The following CATSPER3 variants were observed in gnomAD, a reference collection of about 807,000 sequenced individuals.
CATSPER3 encodes cation channel sperm-associated protein 3.
In CATSPER3, 23 loss-of-function variants were observed where a neutral mutation model predicts 36.6. The ratio of observed to expected loss-of-function variants is 0.63; its 90% CI spans 0.45 to 0.89. The LOEUF is 0.89. Ranked by LOEUF, CATSPER3 falls within the 40% of genes least tolerant of loss-of-function variation. The pLI, the probability that CATSPER3 is intolerant of heterozygous loss-of-function variation, is 0.00. For synonymous variants in CATSPER3, 172 were observed against 184.1 expected (o/e 0.93, Z 0.53); for missense variants, 474 against 503.9 (o/e 0.94, Z 0.57).
intron 2 of CATSPER3, 85 bp from the exon 3 acceptor site, chr5:134,996,188 C>T: frequency 6.3e-7 from 1 of 1,584,530 alleles, no homozygotes; most frequent in East Asian, 2.2e-5. Context: ...AGGAGCACCC[C>T]TTCCGGGGCT....
At chr5:134,971,602 G>A (rs928721937) in intron 2 of CATSPER3, among the ~76,000 whole-genome samples, 2 of 152,216 alleles carry the variant, frequency 1.3e-5, no homozygotes, top group African/African-American at 2.4e-5. Flanking sequence ...ATGGGCTGAT[G>A]TGAGAACAGC....
chr5:134,988,222 AG>A (rs1367240245), intron 2 of CATSPER3, among the ~76,000 whole-genome samples: 1 of 152,256 alleles, frequency 6.6e-6, no homozygotes, highest in African/African-American at 2.4e-5. Flanking sequence ...GCCTTCAGCA[AG>A]ACATAATCTT....
chr5:134,985,388 G>A (rs532261995), intron 2 of CATSPER3, among the ~76,000 whole-genome samples: 2 of 152,218 alleles, frequency 1.3e-5, no homozygotes, highest in Non-Finnish European at 2.9e-5. Context: ...GGTATGCAAA[G>A]GCAAACAGAG....
rs1168859186 is a variant in CATSPER3, at chr5:134,968,109, A to G, written c.98+20A>G. The G allele has an allele frequency of 1.3e-6, 2 of 1,515,410 alleles. No homozygotes were observed. 93.9% of individuals were successfully genotyped at this position (1,515,410 alleles called of 1,614,324 possible). A position where few individuals can be genotyped will look rare whatever the true frequency, so the allele number is the denominator to read the frequency against. ...ATTTAAGTAAATATTATCTATCTCC[A>G]TTGCCTGTTAAGAAATGTGCTAGTA... On this transcript the variant is annotated intron_variant, in intron 1 of 7. Coordinates refer to ENST00000282611, the MANE Select transcript of CATSPER3 (RefSeq NM_178019.3).
chr5:135,009,613 T>TGTAG, intron 6 of CATSPER3, 123 bp downstream of exon 6: 83 of 730,062 alleles, frequency 1.1e-4, no homozygotes, highest in Non-Finnish European at 1.7e-4. Flanking sequence ...TCTGCAGCCT[T>TGTAG]AGGTAAGACA....
intron 6 of CATSPER3, 121 bp from the exon 7 acceptor site, chr5:135,010,252 C>A: frequency 1.2e-6 from 1 of 868,936 alleles, no homozygotes; most frequent in Non-Finnish European, 1.9e-6. Context: ...AAGGCTGAAG[C>A]TTCCTTCCAG....
chr5:135,007,231 C>A (rs192878414), intron 3 of CATSPER3, among the ~76,000 whole-genome samples: 69 of 152,282 alleles, frequency 4.5e-4, no homozygotes, highest in African/African-American at 1.5e-3. Flanking sequence ...TTCTTTGAGC[C>A]TCTGACGGCT....
At chr5:134,983,964 G>A (rs2149547890) in intron 2 of CATSPER3, among the ~76,000 whole-genome samples, 1 of 152,290 alleles carries the variant, frequency 6.6e-6, no homozygotes, top group East Asian at 1.9e-4. Context: ...GAAAAGAATA[G>A]AGAACCCAGA....
In CATSPER3 at chr5:134,986,395, C is replaced by T. The variant is rs193201615; in HGVS notation, c.253-9878C>T. Among the ~76,000 whole-genome samples, 604 of 151,120 alleles carry T rather than the reference C, an allele frequency of 4.0e-3. 1 individual carries two copies. Among genetic ancestry groups the T allele is most frequent in the Non-Finnish European group, 6.8e-3 (458 of 67,848 alleles). On this transcript the variant is annotated intron_variant, in intron 2 of 7. Transcript: ENST00000282611. ...CTGACCTCAGGTGATCCACTCACCT[C>T]GGCCTCCCAAAGTGCTGGAATTACA...
At chr5:135,010,281 G>T in intron 6 of CATSPER3, 92 bp from the exon 7 acceptor site, 1 of 1,153,940 alleles carries the variant, frequency 8.7e-7, no homozygotes, top group Non-Finnish European at 1.3e-6. Flanking sequence ...TCAGGCCGCT[G>T]CCTGGGGCCC....
chr5:135,002,372 C>A (rs1477455435), intron 3 of CATSPER3, among the ~76,000 whole-genome samples: 1 of 152,288 alleles, frequency 6.6e-6, no homozygotes, highest in Non-Finnish European at 1.5e-5. Flanking sequence ...GTAACCCGAC[C>A]TTTCTCTCTG....
At chr5:135,007,024 A>G (rs975288745) in intron 3 of CATSPER3, among the ~76,000 whole-genome samples, 1 of 152,054 alleles carries the variant, frequency 6.6e-6, no homozygotes, top group African/African-American at 2.4e-5. Context: ...TCTGTTTCCC[A>G]GGTTACCCCA....
intron 3 of CATSPER3, among the ~76,000 whole-genome samples, chr5:135,004,107 C>G (rs928944632): frequency 1.3e-5 from 2 of 152,226 alleles, no homozygotes; most frequent in African/African-American, 4.8e-5. Flanking sequence ...AGTATTTCGT[C>G]TTTTGGTAAA....
rs35264342 is a variant in CATSPER3, at chr5:134,970,568, A to ATTTT, written c.252+494_252+497dup. On this transcript the variant is annotated intron_variant, in intron 2 of 7. Coordinates refer to ENST00000282611, the MANE Select transcript of CATSPER3 (RefSeq NM_178019.3). Reference sequence around the variant, plus strand: ...AAGAGCAGCAGTGGTGACATGGTGGATTTTTTTTTTTTTTTTTTTTTGAGA... The same window carrying ATTTT: ...AAGAGCAGCAGTGGTGACATGGTGGATTTTTTTTTTTTTTTTTTTTTTTTTGAGA... 7.2e-5 allele frequency among the ~76,000 whole-genome samples: 9 copies of ATTTT among 124,228 alleles called. 2 individuals are homozygous for ATTTT. The highest frequency in any genetic ancestry group is 8.5e-5 in the Admixed American group (1 of 11,736). 81.5% of individuals were successfully genotyped at this position (124,228 alleles called of 152,430 possible).
chr5:134,968,074 C>T lies in CATSPER3; in HGVS notation c.83C>T (p.Thr28Ile), dbSNP rs776337490. 1.2e-6 allele frequency: 2 copies of T among 1,610,514 alleles called. No individual in the cohort carries two copies. The highest frequency in any genetic ancestry group is 2.2e-5 in the South Asian group (2 of 91,002). ...VDTTSVGFCP[T>I]FKKFKRNDDE... ...ACTACATCGGTGGGATTTTGCCCAA[C>T]ATTCAAGAAATTTAAGTAAATATTA... is the stretch of plus-strand genomic sequence containing the variant. Residue 28 changes from threonine (T) to isoleucine (I), a missense_variant, in exon 1 of 8, where the codon ACA (threonine) becomes ATA (isoleucine). Physicochemically the swap from Thr to Ile is moderately conservative, Grantham distance 89. Transcript: ENST00000282611.
chr5:135,006,740 A>C (rs908826771), intron 3 of CATSPER3, among the ~76,000 whole-genome samples: 19 of 150,020 alleles, frequency 1.3e-4, no homozygotes, highest in Non-Finnish European at 3.0e-5. Context: ...TGGGAGGCTG[A>C]GGCAGGAGAA....
intron 2 of CATSPER3, among the ~76,000 whole-genome samples, chr5:134,984,425 G>T (rs192208072): frequency 3.3e-3 from 504 of 152,046 alleles, no homozygotes; most frequent in Non-Finnish European, 5.2e-3. Flanking sequence ...AAATTAGAAA[G>T]AAAAACAAAT....
chr5:134,990,184 A>T (rs1751860963), intron 2 of CATSPER3, among the ~76,000 whole-genome samples: 1 of 152,180 alleles, frequency 6.6e-6, no homozygotes, highest in South Asian at 2.1e-4. Context: ...AGGGTTGAGG[A>T]TGCATGACTG....
At chr5:134,981,124 C>T (rs1751745630) in intron 2 of CATSPER3, among the ~76,000 whole-genome samples, 1 of 151,754 alleles carries the variant, frequency 6.6e-6, no homozygotes, top group Non-Finnish European at 1.5e-5. Context: ...CCCTCTTCTT[C>T]CCTTCATTTT....
Sources: gnomAD v4.1 joint callset for allele counts (sites outside exome capture counted in the v4.1 genomes callset) on GRCh38, gnomAD v4.1.1 for gene constraint, MANE v1.5 for transcripts, NCBI Gene and HGNC (gene_info 2026-07-23, HGNC 2026-07-21) for gene names.